The following ANK3 variants were observed in gnomAD, a reference collection of about 807,000 sequenced individuals.
The protein encoded by ANK3 is ankyrin-3.
In ANK3, 57 loss-of-function variants were observed where a neutral mutation model predicts 370.9. The observed-to-expected ratio is 0.15, with a 90% CI of 0.12 to 0.19. The LOEUF (loss-of-function observed/expected upper bound fraction) is 0.19, where lower values mean the gene tolerates loss of function less well. ANK3 is among the 10% of genes least tolerant of loss of function. The pLI is 1.00. For missense variants in ANK3, 4,439 were observed against 5,302.1 expected (o/e 0.84, Z 5.06); for synonymous variants, 1,929 against 1,946.3 (o/e 0.99, Z 0.23).
chr10:60,197,686 AAG>A lies in ANK3; in HGVS notation c.1689+652_1689+653del, dbSNP rs1279368836. 2.0e-4 allele frequency among the ~76,000 whole-genome samples: 30 copies of A among 152,358 alleles called. 1 individual carries two copies. The highest frequency in any genetic ancestry group is 6.5e-4 in the African/African-American group (27 of 41,592). ...ATCTTTCTTATCTGCATCCAAATAA[AAG>A]AGTGCAGTACCAGTTACTAGCTTTG... On this transcript the variant is annotated intron_variant, in intron 14 of 43. Transcript: ENST00000280772.
chr10:60,229,006 A>G (rs1262889803), intron 8 of ANK3, among the ~76,000 whole-genome samples: 1 of 152,214 alleles, frequency 6.6e-6, no homozygotes, highest in Non-Finnish European at 1.5e-5. Flanking sequence ...AATGTAGTGT[A>G]AAAACTTTAG....
intron 1 of ANK3, among the ~76,000 whole-genome samples, chr10:60,344,075 A>C (rs2054871391): frequency 6.6e-6 from 1 of 152,242 alleles, no homozygotes; most frequent in South Asian, 2.1e-4. Flanking sequence ...CCTAGTACTA[A>C]ACCAGCTCAT....
intron 2 of ANK3, among the ~76,000 whole-genome samples, chr10:60,491,655 T>C (rs1280149779): frequency 6.6e-6 from 1 of 152,124 alleles, no homozygotes; most frequent in Admixed American, 6.6e-5. Flanking sequence ...ATATCTTAAG[T>C]GCAAAATAAA....
intron 2 of ANK3, among the ~76,000 whole-genome samples, chr10:60,604,528 A>G (rs1345658424): frequency 2.0e-5 from 3 of 152,212 alleles, no homozygotes; most frequent in African/African-American, 7.2e-5. Flanking sequence ...GGCTTGTGAC[A>G]AAGCTTGTGA....
At chr10:60,360,841 C>A (rs1208425239) in intron 1 of ANK3, among the ~76,000 whole-genome samples, 2 of 151,804 alleles carry the variant, frequency 1.3e-5, no homozygotes, top group Non-Finnish European at 2.9e-5. Context: ...CGTGTAAAAC[C>A]CTTATTTAAA....
intron 2 of ANK3, among the ~76,000 whole-genome samples, chr10:60,445,103 T>C (rs925342526): frequency 3.3e-5 from 5 of 152,172 alleles, no homozygotes; most frequent in Non-Finnish European, 7.4e-5. Flanking sequence ...AGAAAACTAA[T>C]TATTGAAACT....
Position 60,469,939 on chromosome 10 carries a change from T to C in ANK3, c.96+145247A>G, listed in dbSNP as rs1483012242. On this transcript the variant is annotated intron_variant, in intron 2 of 43. Transcript: ENST00000373827. ...ATGGACATCAAGCTTTACAAGTTAA[T>C]TGAATGGTCAAAGATAACTTCTATA... 2.0e-5 allele frequency among the ~76,000 whole-genome samples: 3 copies of C among 151,988 alleles called. No homozygotes were observed. The East Asian group carries it at 5.8e-4, about 29-fold the overall frequency.
chr10:60,319,278 T>C (rs971952874), intron 1 of ANK3, among the ~76,000 whole-genome samples: 1 of 152,206 alleles, frequency 6.6e-6, no homozygotes, highest in East Asian at 1.9e-4. Context: ...TAAGGTACTC[T>C]GGGCAGGTTT....
chr10:60,691,373 G>A lies in ANK3; in HGVS notation c.57+41890C>T, dbSNP rs561781320. Among the ~76,000 whole-genome samples, 26 of 152,328 alleles carry A rather than the reference G, an allele frequency of 1.7e-4. No individual in the cohort carries two copies. In the East Asian group the frequency reaches 5.0e-3, roughly 29 times the overall value. On this transcript the variant is annotated intron_variant, in intron 1 of 43. Coordinates refer to the ANK3 transcript ENST00000373827. ...TGAGTAGAAAAGGCTGCTCAGTGCT[G>A]TAGGCAAATTGCCAACTCTGAGACT...
At position 60,055,938 on chromosome 10, in the gene ANK3, T is replaced by G; in HGVS notation, c.12785A>C (p.Lys4262Thr). The change falls in exon 42 of 44, where the codon AAG becomes ACG. Residue 4262 changes from lysine (K) to threonine (T), a missense_variant. Physicochemically the swap from Lys to Thr is moderately conservative, Grantham distance 78. Coordinates refer to ENST00000280772, the MANE Select transcript of ANK3 (RefSeq NM_020987.5). Reference sequence around the variant, plus strand: ...GGATTCTGGAAAGTAAGATTTTGTCTTTGCTTCTGGAGTGATTTCTGTATG... The same window carrying G: ...GGATTCTGGAAAGTAAGATTTTGTCGTTGCTTCTGGAGTGATTTCTGTATG... ...GSHTEITPEA[K>T]TKSYFPESQN... is the part of the protein sequence containing the mutation. 6.2e-7 allele frequency: 1 copy of G among 1,614,190 alleles called. No homozygotes were observed.
At chr10:60,264,127 G>C in intron 5 of ANK3, 107 bp from the exon 6 acceptor site, 1 of 950,764 alleles carries the variant, frequency 1.1e-6, no homozygotes, top group Non-Finnish European at 1.5e-6. Flanking sequence ...TTTTTGTTTG[G>C]GATTATTAAA....
At chr10:60,268,442 G>T (rs1483364488) in intron 5 of ANK3, among the ~76,000 whole-genome samples, 1 of 152,086 alleles carries the variant, frequency 6.6e-6, no homozygotes, top group Non-Finnish European at 1.5e-5. Flanking sequence ...TGCTAACAGC[G>T]TGTTATTGTA....
rs181491737 is a variant in ANK3 at position 60,240,695 on chromosome 10, G to T, written c.799-5909C>A. Among the ~76,000 whole-genome samples the T allele has an allele frequency of 3.3e-5, 5 of 152,068 alleles. No individual in the cohort carries two copies. The East Asian group carries it at 9.7e-4, about 29-fold the overall frequency. ...CAACCTCCATCTCCCAGGTTCAAGT[G>T]ATTCTGCCACCTCAGCCTCCTGAGT... On this transcript the variant is annotated intron_variant, in intron 7 of 43. Transcript: ENST00000280772.
intron 8 of ANK3, among the ~76,000 whole-genome samples, chr10:60,226,521 T>TAAAATAAATATATATATAA (rs2097155260): frequency 8.0e-5 from 7 of 87,132 alleles, no homozygotes; most frequent in Admixed American, 1.3e-4. Context: ...ATAGTATATA[T>TAAAATAAATATATATATAA]ACTATAGTAT....
Position 60,073,235 on chromosome 10 carries a change from C to T in ANK3, c.7646G>A (p.Ser2549Asn), listed in dbSNP as rs766194973. The change falls in exon 37 of 44, where the codon AGT (serine) becomes AAT (asparagine). Residue 2549 changes from serine (S) to asparagine (N), a missense_variant. Coordinates refer to ENST00000280772, the MANE Select transcript of ANK3 (RefSeq NM_020987.5). ...VTVLHYSGNV[S>N]SPKHAMWMRF... ...CATCCACATGGCATGTTTTGGACTACTAACATTGCCAGAATAGTGCAACAC... is the reference window on the plus strand; with the variant it reads ...CATCCACATGGCATGTTTTGGACTATTAACATTGCCAGAATAGTGCAACAC... 3 of 1,614,152 alleles carry T rather than the reference C, an allele frequency of 1.9e-6. No homozygotes were observed. The highest frequency in any genetic ancestry group is 1.7e-5 in the Admixed American group (1 of 60,016).
chr10:60,619,160 T>C (rs1404143639), intron 1 of ANK3, among the ~76,000 whole-genome samples: 2 of 151,980 alleles, frequency 1.3e-5, no homozygotes, highest in African/African-American at 4.8e-5. Flanking sequence ...CCAAAACATA[T>C]AGATCCTACC....
At chr10:60,138,667 A>G (rs994346686) in intron 24 of ANK3, 1 of 476,478 alleles carries the variant, frequency 2.1e-6, no homozygotes, top group Non-Finnish European at 3.7e-6. Context: ...TGTGACTCAG[A>G]TTGGTTCTCC....
At chr10:60,668,932 G>A (rs556919466) in intron 1 of ANK3, among the ~76,000 whole-genome samples, 1 of 152,244 alleles carries the variant, frequency 6.6e-6, no homozygotes, top group East Asian at 1.9e-4. Flanking sequence ...GGCAGAGGTT[G>A]CGGTGAGCCA....
chr10:60,297,802 T>C (rs1439653068), intron 1 of ANK3, among the ~76,000 whole-genome samples: 1 of 152,150 alleles, frequency 6.6e-6, no homozygotes, highest in African/African-American at 2.4e-5. Context: ...TTATATTTAC[T>C]ACATAACTAA....
Sources: allele counts gnomAD v4.1 joint callset (sites outside exome capture counted in the v4.1 genomes callset), GRCh38; gene constraint gnomAD v4.1.1; transcripts MANE v1.5; gene names NCBI Gene and HGNC (gene_info 2026-07-23, HGNC 2026-07-21).